Variants in POLD3 observed in about 807,000 individuals in gnomAD.
POLD3 encodes the protein DNA polymerase delta subunit 3.
A neutral mutation model predicts 58.2 loss-of-function variants in POLD3; 19 were observed. That is an observed-to-expected ratio of 0.33 (90% CI 0.23 to 0.48). The LOEUF (loss-of-function observed/expected upper bound fraction) is 0.48, where lower values mean the gene tolerates loss of function less well. Among genes scored for constraint, POLD3 ranks in the 20% least tolerant of loss-of-function variants. The pLI, the probability that POLD3 is intolerant of heterozygous loss-of-function variation, is 0.99. For missense variants in POLD3, 504 were observed against 545.5 expected, an observed-to-expected ratio of 0.92 and a Z score of 0.76; for synonymous variants, 172 against 193.5, an observed-to-expected ratio of 0.89 and a Z score of 0.92.
rs1198941636 is a variant in POLD3, at chr11:74,624,032, C to T, written c.734-1376C>T. Among the ~76,000 whole-genome samples the T allele has an allele frequency of 2.0e-5, 3 of 152,168 alleles. No individual in the cohort carries two copies. In the South Asian group the frequency reaches 6.2e-4, roughly 31 times the overall value. On this transcript the variant is annotated intron_variant, in intron 7 of 11. Transcript: ENST00000263681. ...AAACTCAATGCAATAGCCTCTCTTTCCTTAATCCATAGGTAGGTAGGAAGT... is the reference window on the plus strand; with the variant it reads ...AAACTCAATGCAATAGCCTCTCTTTTCTTAATCCATAGGTAGGTAGGAAGT...
At chr11:74,625,218 AGCAG>A (rs1014491723) in intron 7 of POLD3, among the ~76,000 whole-genome samples, 186 bp from the exon 8 acceptor site, 7 of 152,154 alleles carry the variant, frequency 4.6e-5, no homozygotes, top group African/African-American at 1.7e-4. Context: ...ATGAGGGATT[AGCAG>A]GAGGCAGAAA....
intron 6 of POLD3, among the ~76,000 whole-genome samples, 187 bp from the exon 7 acceptor site, chr11:74,619,830 C>A (rs1357916527): frequency 3.3e-5 from 5 of 152,062 alleles, no homozygotes; most frequent in African/African-American, 1.2e-4. Context: ...AGATTAACAC[C>A]AGTTACTGTC....
intron 2 of POLD3, 111 bp from the exon 3 acceptor site, chr11:74,604,581 A>G: frequency 1.5e-6 from 1 of 671,148 alleles, no homozygotes; most frequent in South Asian, 1.8e-5. Context: ...TACTGTTCAG[A>G]AAATTTGATG....
At chr11:74,650,640 C>T (rs2033057261) in intron 4 of POLD3, among the ~76,000 whole-genome samples, 1 of 152,208 alleles carries the variant, frequency 6.6e-6, no homozygotes, top group Admixed American at 6.5e-5. Flanking sequence ...TCTCTGTTCA[C>T]CTCCTGAGCA....
intron 8 of POLD3, among the ~76,000 whole-genome samples, chr11:74,625,938 G>A (rs1342960726): frequency 6.7e-6 from 1 of 150,058 alleles, no homozygotes; most frequent in East Asian, 2.0e-4. Flanking sequence ...AACAGTTACT[G>A]TTTCCAGTCA....
At chr11:74,646,302 G>A (rs546141819), downstream of POLD3, among the ~76,000 whole-genome samples, 2 of 152,280 alleles carry the variant, frequency 1.3e-5, no homozygotes, top group East Asian at 3.9e-4. Context: ...TGAAAGTGCA[G>A]CTGGTTGTTG....
downstream of POLD3, among the ~76,000 whole-genome samples, chr11:74,644,543 G>C (rs993241853): frequency 6.6e-6 from 1 of 152,166 alleles, no homozygotes; most frequent in Admixed American, 6.5e-5. Context: ...TTCTCCACTT[G>C]TATCTGTGTC....
rs1185810462 is a variant in POLD3, at chr11:74,625,433, A to G, written c.759A>G (p.Ser253=). Residue 253 remains serine, a synonymous_variant, in exon 8 of 12, where the codon TCA becomes TCG. Transcript: ENST00000263681. ...ATAAATTTAAAGTCAATTTGGACTC[A>G]GAACAAGCAGTGAAAGAAGAAAAAA... The part of the protein sequence containing the change: ...AMNKFKVNLD[S]EQAVKEEKIV... 1.9e-6 allele frequency: 3 copies of G among 1,609,978 alleles called. No individual in the cohort carries two copies. Among genetic ancestry groups the G allele is most frequent in the Non-Finnish European group, 2.5e-6 (3 of 1,178,712 alleles).
chr11:74,638,874 G>A (rs1489925670), intron 11 of POLD3, among the ~76,000 whole-genome samples: 2 of 152,148 alleles, frequency 1.3e-5, no homozygotes, highest in Admixed American at 1.3e-4. Context: ...TGAGTAGTAA[G>A]GCCTTTCAGA....
At chr11:74,655,285 G>A (rs1457670604) in intron 4 of POLD3, among the ~76,000 whole-genome samples, 6 of 152,196 alleles carry the variant, frequency 3.9e-5, no homozygotes, top group South Asian at 2.1e-4. Context: ...ATTTAAGAAC[G>A]GAAATGAAAC....
chr11:74,616,349 T>C (rs1312466433), intron 5 of POLD3, among the ~76,000 whole-genome samples: 1 of 152,240 alleles, frequency 6.6e-6, no homozygotes, highest in African/African-American at 2.4e-5. Flanking sequence ...TGATTTCGTG[T>C]GTTTTAAGAA....
chr11:74,632,877 TAC>T (rs71036003), intron 9 of POLD3, among the ~76,000 whole-genome samples: 4,199 of 115,580 alleles, frequency 0.036, 101 homozygotes, highest in Middle Eastern at 0.043. Flanking sequence ...TTTAAGTAAA[TAC>T]ACACACACAC....
intron 3 of POLD3, among the ~76,000 whole-genome samples, chr11:74,611,087 T>A (rs1165068736): frequency 6.6e-6 from 1 of 152,192 alleles, no homozygotes; most frequent in African/African-American, 2.4e-5. Flanking sequence ...ATTTTTTACA[T>A]TTAAATCTCT....
intron 9 of POLD3, among the ~76,000 whole-genome samples, chr11:74,631,988 T>G (rs2032608239): frequency 6.6e-6 from 1 of 152,192 alleles, no homozygotes; most frequent in South Asian, 2.1e-4. Flanking sequence ...TAGTACTATA[T>G]ACTCTCTTTT....
Position 74,640,691 on chromosome 11 carries a change from C to T in POLD3, c.1326C>T (p.Gly442=). 6.2e-7 allele frequency: 1 copy of T among 1,612,886 alleles called. No individual in the cohort carries two copies. Among genetic ancestry groups the T allele is most frequent in the African/African-American group, 1.3e-5 (1 of 74,956 alleles). Residue 442 remains glycine (G), a synonymous_variant, in exon 12 of 12, where the codon GGC becomes GGT. Coordinates refer to ENST00000263681, the MANE Select transcript of POLD3 (RefSeq NM_006591.3). ...VKKEPREERK[G]PKKGTAALGK... ...AAGAACCCAGAGAGGAACGAAAGGG[C>T]CCCAAGAAAGGGACTGCTGCTCTGG...
intron 2 of POLD3, among the ~76,000 whole-genome samples, chr11:74,599,368 ATTTTT>A (rs60458731): frequency 5.7e-4 from 80 of 139,500 alleles, no homozygotes; most frequent in African/African-American, 1.9e-3. Flanking sequence ...CTCTCAAGTA[ATTTTT>A]TTTTTTTTTT....
At chr11:74,646,813 C>T (rs2033004359), downstream of POLD3, among the ~76,000 whole-genome samples, 1 of 152,172 alleles carries the variant, frequency 6.6e-6, no homozygotes, top group Admixed American at 6.5e-5. Flanking sequence ...CTTTGAATGT[C>T]AGAGCCTTGT....
chr11:74,638,809 C>G, intron 11 of POLD3: 1 of 406,830 alleles, frequency 2.5e-6, no homozygotes, highest in East Asian at 7.2e-5. Context: ...ACTGAGAGTG[C>G]ATTCCTAATA....
chr11:74,653,932 C>CTT (rs2033100123), intron 4 of POLD3, among the ~76,000 whole-genome samples: 1 of 152,094 alleles, frequency 6.6e-6, no homozygotes, highest in South Asian at 2.1e-4. Flanking sequence ...CCTCAGGGAG[C>CTT]TTTTACTCAT....
Sources: allele counts gnomAD v4.1 joint callset (sites outside exome capture counted in the v4.1 genomes callset), GRCh38; gene constraint gnomAD v4.1.1; transcripts MANE v1.5; gene names NCBI Gene and HGNC (gene_info 2026-07-23, HGNC 2026-07-21).